The following AGBL1 variants were observed in gnomAD, a reference collection of about 807,000 sequenced individuals.
AGBL1 encodes cytosolic carboxypeptidase 4.
AGBL1 carries 130 observed loss-of-function variants against 118.9 expected under a neutral mutation model. That is an observed-to-expected ratio of 1.09 (90% CI 0.95 to 1.26). AGBL1 has a LOEUF of 1.26. Among genes scored for constraint, AGBL1 ranks in the 50% most tolerant of loss-of-function variants. The probability of loss-of-function intolerance (pLI) is 0.00; values close to 1 mark genes in which losing one functional copy is unlikely to be tolerated. For synonymous variants in AGBL1, 555 were observed against 478.9 expected (o/e 1.16, Z -2.08); for missense variants, 1,584 against 1,298.1 (o/e 1.22, Z -3.38).
intron 2 of AGBL1, among the ~76,000 whole-genome samples, chr15:86,142,784 T>TAA (rs2076980974): frequency 1.3e-5 from 2 of 152,202 alleles, no homozygotes; most frequent in African/African-American, 4.8e-5. Flanking sequence ...GGGGCCTGTG[T>TAA]AAGTGAAGTC....
rs375557100 is a variant in AGBL1, at chr15:86,786,416, C to T, written c.3158+111980C>T. Among the ~76,000 whole-genome samples the T allele has an allele frequency of 1.3e-4, 19 of 151,868 alleles. No individual in the cohort carries two copies. The East Asian group carries it at 2.3e-3, about 19-fold the overall frequency. Reference sequence around the variant, plus strand: ...GATATGGCTTGTGCAGTCATCAATACGTACAAAGGATATTGGGTACAATTA... The same window carrying T: ...GATATGGCTTGTGCAGTCATCAATATGTACAAAGGATATTGGGTACAATTA... On this transcript the variant is annotated intron_variant, in intron 22 of 22. Transcript: ENST00000614907.
chr15:86,851,434 A>C (rs1425394299), intron 22 of AGBL1, among the ~76,000 whole-genome samples: 2 of 152,174 alleles, frequency 1.3e-5, no homozygotes, highest in Non-Finnish European at 2.9e-5. Flanking sequence ...GGTCAAGAAC[A>C]CAGCATCATT....
intron 17 of AGBL1, among the ~76,000 whole-genome samples, chr15:86,392,525 C>T (rs1276183520): frequency 6.6e-6 from 1 of 152,154 alleles, no homozygotes; most frequent in Non-Finnish European, 1.5e-5. Flanking sequence ...TTGTAATCTA[C>T]AGAACCCTGC....
intron 23 of AGBL1, among the ~76,000 whole-genome samples, chr15:86,980,389 C>G (rs1167667315): frequency 6.6e-6 from 1 of 152,150 alleles, no homozygotes; most frequent in Non-Finnish European, 1.5e-5. Flanking sequence ...ATAGCATTGG[C>G]TGCTGTGTAT....
In AGBL1 at chr15:86,152,612, C is replaced by G. The variant is rs1452461164; in HGVS notation, c.263-1818C>G. Among the ~76,000 whole-genome samples the G allele has an allele frequency of 2.0e-5, 3 of 152,146 alleles. No individual in the cohort carries two copies. In the East Asian group the frequency reaches 5.8e-4, roughly 29 times the overall value. On this transcript the variant is annotated intron_variant, in intron 3 of 22. Coordinates refer to ENST00000614907, the MANE Select transcript of AGBL1 (RefSeq NM_001386094.1). Reference sequence around the variant, plus strand: ...TTCAGGACATAGGCACGGGCAAGGACTTCATGACTAAAACACCAAAAGCAA... The same window carrying G: ...TTCAGGACATAGGCACGGGCAAGGAGTTCATGACTAAAACACCAAAAGCAA...
intron 18 of AGBL1, among the ~76,000 whole-genome samples, chr15:86,521,522 AG>A (rs1376568223): frequency 1.3e-5 from 2 of 152,152 alleles, no homozygotes; most frequent in Non-Finnish European, 2.9e-5. Context: ...ACTCTGATCA[AG>A]GGGGCCTCAG....
chr15:86,081,564 G>A (rs1468617448), intron 1 of AGBL1, among the ~76,000 whole-genome samples: 2 of 152,202 alleles, frequency 1.3e-5, no homozygotes, highest in African/African-American at 4.8e-5. Flanking sequence ...TATCTGACCA[G>A]GGGTACTGGA....
chr15:86,161,226 C>T (rs2077263207), intron 5 of AGBL1, among the ~76,000 whole-genome samples: 1 of 152,076 alleles, frequency 6.6e-6, no homozygotes. Flanking sequence ...CAGTCAAATG[C>T]CATATTAAAA....
intron 18 of AGBL1, among the ~76,000 whole-genome samples, chr15:86,402,996 C>T (rs1231429238): frequency 2.6e-5 from 4 of 152,164 alleles, no homozygotes; most frequent in African/African-American, 9.7e-5. Context: ...GGTTTCTTGA[C>T]ACTTAAAAAT....
At chr15:86,822,209 T>C (rs997669986) in intron 22 of AGBL1, among the ~76,000 whole-genome samples, 1 of 152,168 alleles carries the variant, frequency 6.6e-6, no homozygotes, top group Non-Finnish European at 1.5e-5. Context: ...ATGAGACTTC[T>C]CAGTGGAGAA....
intron 19 of AGBL1, among the ~76,000 whole-genome samples, chr15:86,523,626 T>C (rs1212886360): frequency 6.6e-6 from 1 of 152,200 alleles, no homozygotes; most frequent in Non-Finnish European, 1.5e-5. Context: ...ATCTCAGTTA[T>C]TGCATAAGAA....
intron 22 of AGBL1, among the ~76,000 whole-genome samples, chr15:86,817,974 G>A (rs998720339): frequency 1.3e-5 from 2 of 152,150 alleles, no homozygotes; most frequent in East Asian, 1.9e-4. Flanking sequence ...TGTAAGCAAA[G>A]CAATGCTAAG....
At chr15:87,025,415 A>G (rs919421559) in intron 24 of AGBL1, among the ~76,000 whole-genome samples, 2 of 151,326 alleles carry the variant, frequency 1.3e-5, no homozygotes, top group Non-Finnish European at 3.0e-5. Flanking sequence ...AAAAAACATG[A>G]AAAAAACTTA....
At chr15:86,365,256 A>G (rs2080870445) in intron 17 of AGBL1, among the ~76,000 whole-genome samples, 1 of 152,128 alleles carries the variant, frequency 6.6e-6, no homozygotes, top group South Asian at 2.1e-4. Flanking sequence ...TTGATCTCCT[A>G]CATTAGTCAG....
intron 17 of AGBL1, among the ~76,000 whole-genome samples, chr15:86,380,970 G>A (rs1451364816): frequency 6.6e-6 from 1 of 152,098 alleles, no homozygotes; most frequent in East Asian, 1.9e-4. Context: ...ACCAGTCACT[G>A]TGCTTGTTTC....
chr15:87,009,615 A>G lies in AGBL1; in HGVS notation c.3324-19210A>G, dbSNP rs145488956. Among the ~76,000 whole-genome samples the G allele has an allele frequency of 2.8e-3, 432 of 152,250 alleles. 1 individual carries two copies. The highest frequency in any genetic ancestry group is 9.7e-3 in the African/African-American group (405 of 41,570). ...GATAAATCCACTGACAGCTTGCACT[A>G]TGCACCTGGAAAAGCCACAGACACT... is the stretch of plus-strand genomic sequence containing the variant. On this transcript the variant is annotated intron_variant, in intron 24 of 24. Coordinates refer to the AGBL1 transcript ENST00000441037.
chr15:86,966,232 C>A (rs905474444), intron 23 of AGBL1, among the ~76,000 whole-genome samples: 1 of 148,716 alleles, frequency 6.7e-6, no homozygotes, highest in Non-Finnish European at 1.5e-5. Context: ...ATAGCTGTAA[C>A]AGAGCTTAAG....
intron 22 of AGBL1, among the ~76,000 whole-genome samples, chr15:86,837,404 T>A (rs2079184680): frequency 6.6e-6 from 1 of 152,192 alleles, no homozygotes; most frequent in Non-Finnish European, 1.5e-5. Flanking sequence ...AATTACAGCC[T>A]CCAGGCCAAA....
intron 22 of AGBL1, among the ~76,000 whole-genome samples, chr15:86,839,089 G>A (rs1395591021): frequency 6.6e-6 from 1 of 151,978 alleles, no homozygotes; most frequent in Non-Finnish European, 1.5e-5. Flanking sequence ...TGTTTGGTGA[G>A]TGTAGAATGC....
Sources: allele counts gnomAD v4.1 joint callset (sites outside exome capture counted in the v4.1 genomes callset), GRCh38; gene constraint gnomAD v4.1.1; transcripts MANE v1.5; gene names NCBI Gene and HGNC (gene_info 2026-07-23, HGNC 2026-07-21).